ADGRV1: variants seen among roughly 807,000 people sequenced by gnomAD.
ADGRV1 encodes the protein adhesion G protein-coupled receptor V1.
In ADGRV1, 359 loss-of-function variants were observed where a neutral mutation model predicts 596.2. The observed-to-expected ratio is 0.60, with a 90% CI of 0.55 to 0.66. The LOEUF (loss-of-function observed/expected upper bound fraction) is 0.66. Ranked by LOEUF, ADGRV1 falls within the 30% of genes least tolerant of loss-of-function variation. The pLI, the probability that ADGRV1 is intolerant of heterozygous loss-of-function variation, is 0.00. For missense variants in ADGRV1, 7,274 were observed against 7,575.6 expected (o/e 0.96, Z 1.48); for synonymous variants, 2,681 against 2,679.2 (o/e 1.00, Z -0.02).
intron 87 of ADGRV1, among the ~76,000 whole-genome samples, chr5:91,106,581 A>G (rs527682747): frequency 1.3e-5 from 2 of 152,356 alleles, no homozygotes; most frequent in East Asian, 3.9e-4. Flanking sequence ...TTTTAACAAT[A>G]TTAATTCTTC....
chr5:90,673,962 T>A, intron 22 of ADGRV1, 92 bp from the exon 23 acceptor site: 1 of 849,726 alleles, frequency 1.2e-6, no homozygotes, highest in Non-Finnish European at 1.8e-6. Flanking sequence ...TAACTTCATT[T>A]AAATATAATT....
chr5:91,083,336 A>G (rs12519581), intron 86 of ADGRV1, among the ~76,000 whole-genome samples: 20,033 of 152,076 alleles, frequency 0.13, 1,617 homozygotes, highest in Admixed American at 0.27. Context: ...GCACATGTAT[A>G]CATATGTAAC....
At chr5:91,150,947 G>A (rs556801831) in intron 88 of ADGRV1, among the ~76,000 whole-genome samples, 1 of 152,326 alleles carries the variant, frequency 6.6e-6, no homozygotes, top group East Asian at 1.9e-4. Context: ...CTTTGGCCAG[G>A]AGGAGATAGT....
chr5:90,589,304 T>G (rs764867923), intron 1 of ADGRV1, among the ~76,000 whole-genome samples: 6 of 152,226 alleles, frequency 3.9e-5, no homozygotes, highest in Non-Finnish European at 8.8e-5. Context: ...AGATGAAAGA[T>G]ACCATAGTTG....
intron 84 of ADGRV1, among the ~76,000 whole-genome samples, chr5:90,975,160 C>G (rs1481668935): frequency 5.9e-5 from 9 of 151,822 alleles, no homozygotes; most frequent in Admixed American, 1.3e-4. Context: ...GATACCATCT[C>G]ACACCAGTTA....
chr5:91,035,860 A>T lies in ADGRV1; in HGVS notation c.18153-36587A>T, dbSNP rs1350614011. On this transcript the variant is annotated intron_variant, in intron 85 of 89. Coordinates refer to ENST00000405460, the MANE Select transcript of ADGRV1 (RefSeq NM_032119.4). ...AATGAGTGTGTATATATATATATATATTATATATATATATATATATATCTT... is the reference window on the plus strand; with the variant it reads ...AATGAGTGTGTATATATATATATATTTTATATATATATATATATATATCTT... Among the ~76,000 whole-genome samples, 109 of 34,334 alleles carry T rather than the reference A, an allele frequency of 3.2e-3. 3 individuals carry two copies. In the East Asian group the frequency reaches 0.08, roughly 25 times the overall value. The allele number at this position is 34,334 out of a possible 152,430, so 22.5% of individuals were successfully genotyped here.
intron 48 of ADGRV1, among the ~76,000 whole-genome samples, chr5:90,727,807 C>T (rs1751999945): frequency 6.6e-6 from 1 of 152,110 alleles, no homozygotes; most frequent in African/African-American, 2.4e-5. Flanking sequence ...ATCATTCTCC[C>T]AGCACTATCA....
intron 87 of ADGRV1, among the ~76,000 whole-genome samples, chr5:91,106,779 G>A (rs1791913826): frequency 6.6e-6 from 1 of 152,202 alleles, no homozygotes; most frequent in African/African-American, 2.4e-5. Flanking sequence ...CAGTGAAGTT[G>A]GTGAAATTTA....
chr5:91,100,241 G>A (rs1031053328), intron 86 of ADGRV1, among the ~76,000 whole-genome samples: 6 of 152,134 alleles, frequency 3.9e-5, no homozygotes, highest in African/African-American at 1.2e-4. Flanking sequence ...GGGCAACATG[G>A]CGAAACCCCA....
intron 43 of ADGRV1, 44 bp downstream of exon 43, chr5:90,716,773 AT>A: frequency 6.8e-7 from 1 of 1,466,478 alleles, no homozygotes; most frequent in Non-Finnish European, 9.3e-7. Flanking sequence ...TATCTTTAAT[AT>A]TTACAAAATA....
At chr5:90,706,930 C>T (rs1444062171) in intron 38 of ADGRV1, among the ~76,000 whole-genome samples, 5 of 151,624 alleles carry the variant, frequency 3.3e-5, no homozygotes, top group African/African-American at 1.2e-4. Context: ...ATAGACAGGC[C>T]TGCTGTTATG....
At chr5:90,559,007 C>G in intron 1 of ADGRV1, 90 bp downstream of exon 1, 2 of 1,213,782 alleles carry the variant, frequency 1.6e-6, no homozygotes, top group South Asian at 3.4e-5. Context: ...AGGTGGGCGG[C>G]GAGGGCGGCG....
At chr5:90,760,145 G>C (rs1487352132) in intron 58 of ADGRV1, among the ~76,000 whole-genome samples, 3 of 149,490 alleles carry the variant, frequency 2.0e-5, no homozygotes, top group Non-Finnish European at 4.4e-5. Flanking sequence ...GTGTGGTGGC[G>C]CATGCTTGTA....
At chr5:90,937,774 C>A (rs925639064) in intron 83 of ADGRV1, among the ~76,000 whole-genome samples, 1 of 148,268 alleles carries the variant, frequency 6.7e-6, no homozygotes, top group Non-Finnish European at 1.5e-5. Context: ...GTATTTTTTT[C>A]AGTTTTAAGC....
At chr5:90,722,583 G>C (rs559186632) in intron 45 of ADGRV1, among the ~76,000 whole-genome samples, 1 of 151,000 alleles carries the variant, frequency 6.6e-6, no homozygotes, top group African/African-American at 2.4e-5. Flanking sequence ...GCTTGGTGGC[G>C]CACGCCTATA....
intron 50 of ADGRV1, among the ~76,000 whole-genome samples, chr5:90,744,296 C>CA (rs1476161331): frequency 6.6e-6 from 1 of 152,088 alleles, no homozygotes; most frequent in Non-Finnish European, 1.5e-5. Flanking sequence ...TTTGAACTAT[C>CA]AAAAGTATGG....
intron 1 of ADGRV1, among the ~76,000 whole-genome samples, chr5:90,575,943 G>A (rs1297727417): frequency 1.3e-5 from 2 of 152,060 alleles, no homozygotes; most frequent in Non-Finnish European, 2.9e-5. Context: ...TCCCCTCACT[G>A]GAGCAGAAGA....
At chr5:90,885,091 T>C (rs553151694) in intron 83 of ADGRV1, among the ~76,000 whole-genome samples, 4 of 152,318 alleles carry the variant, frequency 2.6e-5, no homozygotes, top group East Asian at 3.9e-4. Flanking sequence ...TGTATGTTAA[T>C]AGTTTTGTGC....
chr5:90,721,179 TC>T (rs1750871493), intron 45 of ADGRV1, 120 bp downstream of exon 45: 1 of 863,014 alleles, frequency 1.2e-6, no homozygotes, highest in African/African-American at 1.7e-5. Flanking sequence ...AAACAGATAA[TC>T]TAATTCTTTT....
Sources: gnomAD v4.1 joint callset for allele counts (sites outside exome capture counted in the v4.1 genomes callset) on GRCh38, gnomAD v4.1.1 for gene constraint, MANE v1.5 for transcripts, NCBI Gene and HGNC (gene_info 2026-07-23, HGNC 2026-07-21) for gene names.